TMEM63C: variants seen among roughly 807,000 people sequenced by gnomAD.
TMEM63C encodes transmembrane protein 63C.
A neutral mutation model predicts 99.2 loss-of-function variants in TMEM63C; 32 were observed. That is an observed-to-expected ratio of 0.32 (90% CI 0.24 to 0.43). The LOEUF is 0.43. Ranked by LOEUF, TMEM63C falls within the 20% of genes least tolerant of loss-of-function variation. The pLI, the probability that TMEM63C is intolerant of heterozygous loss-of-function variation, is 1.00. For synonymous variants in TMEM63C, 376 were observed against 397.9 expected, an observed-to-expected ratio of 0.94 and a Z score of 0.66; for missense variants, 826 against 1,053.0, an observed-to-expected ratio of 0.78 and a Z score of 2.98.
chr14:77,241,497 G>C (rs941474709), intron 13 of TMEM63C, among the ~76,000 whole-genome samples: 1 of 152,098 alleles, frequency 6.6e-6, no homozygotes, highest in African/African-American at 2.4e-5. Context: ...TAAGAACTGT[G>C]GGGGGCAGGG....
intron 1 of TMEM63C, among the ~76,000 whole-genome samples, chr14:77,183,340 G>C (rs889360917): frequency 1.3e-5 from 2 of 152,218 alleles, no homozygotes; most frequent in Non-Finnish European, 2.9e-5. Context: ...GATGGGTGTG[G>C]AGGAGGTCGG....
chr14:77,226,953 A>C (rs1227746513), intron 6 of TMEM63C, among the ~76,000 whole-genome samples: 1 of 152,090 alleles, frequency 6.6e-6, no homozygotes, highest in Non-Finnish European at 1.5e-5. Context: ...TTTTTAGTAG[A>C]GACGGGGTTT....
Position 77,184,921 on chromosome 14 carries a change from A to G in TMEM63C, c.-77+3027A>G, listed in dbSNP as rs193093126. On this transcript the variant is annotated intron_variant, in intron 1 of 23. Coordinates refer to ENST00000298351, the MANE Select transcript of TMEM63C (RefSeq NM_020431.4). ...ACTGAGGGTGGCTCTTAAGAAGAAC[A>G]ACGTGTGGCCAGGACTCCATGTTCT... Among the ~76,000 whole-genome samples, 137 of 152,264 alleles carry G rather than the reference A, an allele frequency of 9.0e-4. 1 individual carries two copies. Among genetic ancestry groups the G allele is most frequent in the African/African-American group, 3.2e-3 (133 of 41,550 alleles).
intron 10 of TMEM63C, among the ~76,000 whole-genome samples, 156 bp downstream of exon 10, chr14:77,238,923 G>A (rs908145538): frequency 4.6e-5 from 7 of 152,180 alleles, no homozygotes; most frequent in Non-Finnish European, 7.3e-5. Flanking sequence ...TTTTAGAATG[G>A]GGAGGGCCGC....
intron 1 of TMEM63C, among the ~76,000 whole-genome samples, chr14:77,182,148 C>T (rs1887924813): frequency 6.6e-6 from 1 of 152,064 alleles, no homozygotes; most frequent in Admixed American, 6.5e-5. Flanking sequence ...TTTAGTAGAC[C>T]GGTCTTCACT....
intron 1 of TMEM63C, among the ~76,000 whole-genome samples, chr14:77,190,917 A>G (rs1301608917): frequency 6.6e-6 from 1 of 152,232 alleles, no homozygotes; most frequent in Non-Finnish European, 1.5e-5. Flanking sequence ...AAGTTATAAA[A>G]GTGCTAAATT....
chr14:77,200,865 T>C (rs1029981149), intron 1 of TMEM63C, among the ~76,000 whole-genome samples: 1 of 152,208 alleles, frequency 6.6e-6, no homozygotes, highest in Admixed American at 6.5e-5. Context: ...TCAAGGACAA[T>C]AGTTCCCCTC....
chr14:77,251,713 G>C, intron 21 of TMEM63C, 76 bp from the exon 22 acceptor site: 1 of 1,201,234 alleles, frequency 8.3e-7, no homozygotes, highest in South Asian at 1.2e-5. Flanking sequence ...TGCTGTGACG[G>C]TCCCTGGCAT....
At position 77,213,499 on chromosome 14, in the gene TMEM63C, A is replaced by G. The variant is rs775112967; in HGVS notation, c.-23A>G. On this transcript the variant is annotated 5_prime_UTR_variant, in exon 2 of 24. Coordinates refer to ENST00000298351, the MANE Select transcript of TMEM63C (RefSeq NM_020431.4). Reference sequence around the variant, plus strand: ...GCCTGACGTGGACCTTCACTGGAGAAGTGACTCAGGTGGGAAAAGTCTCCC... The same window carrying G: ...GCCTGACGTGGACCTTCACTGGAGAGGTGACTCAGGTGGGAAAAGTCTCCC... 2.6e-5 allele frequency: 4 copies of G among 152,144 alleles called. No individual in the cohort carries two copies. Among genetic ancestry groups the G allele is most frequent in the Non-Finnish European group, 5.9e-5 (4 of 68,034 alleles). 9.4% of individuals were successfully genotyped at this position (152,144 alleles called of 1,614,324 possible). A position where few individuals can be genotyped will look rare whatever the true frequency, so the allele number is the denominator to read the frequency against.
chr14:77,198,324 G>T (rs573143735), intron 1 of TMEM63C, among the ~76,000 whole-genome samples: 1 of 152,232 alleles, frequency 6.6e-6, no homozygotes, highest in African/African-American at 2.4e-5. Context: ...CCCCTCTGGC[G>T]GAAGAGAGGC....
chr14:77,243,170 C>A (rs576992547), intron 15 of TMEM63C, 114 bp downstream of exon 15: 5 of 1,271,328 alleles, frequency 3.9e-6, no homozygotes, highest in African/African-American at 1.5e-5. Flanking sequence ...CCATACAGTG[C>A]GAACATTGTG....
intron 1 of TMEM63C, among the ~76,000 whole-genome samples, chr14:77,208,498 C>T (rs1405056981): frequency 2.0e-5 from 3 of 152,190 alleles, no homozygotes; most frequent in Non-Finnish European, 2.9e-5. Flanking sequence ...GAGATCGCCT[C>T]CTCCTCCCTC....
chr14:77,186,971 G>C lies in TMEM63C; in HGVS notation c.-77+5077G>C, dbSNP rs118142368. On this transcript the variant is annotated intron_variant, in intron 1 of 23. Transcript: ENST00000298351. ...GGGGAGACCTTCTCAGGCAGCAGAA[G>C]AACAACAGCCTGAACAATAAGCCTG... is the stretch of plus-strand genomic sequence containing the variant. Among the ~76,000 whole-genome samples, 1,170 of 152,292 alleles carry C rather than the reference G, an allele frequency of 7.7e-3. 67 individuals carry two copies. In the East Asian group the frequency reaches 0.15, roughly 20 times the overall value.
At chr14:77,191,979 G>A (rs775807020) in intron 1 of TMEM63C, among the ~76,000 whole-genome samples, 10 of 152,054 alleles carry the variant, frequency 6.6e-5, no homozygotes, top group Non-Finnish European at 1.2e-4. Context: ...CATATATTTG[G>A]GTGCTCTGCT....
At position 77,213,472 on chromosome 14, in the gene TMEM63C, G is replaced by A. The variant is rs999734250; in HGVS notation, c.-50G>A. On this transcript the variant is annotated 5_prime_UTR_variant, in exon 2 of 24. Transcript: ENST00000298351. ...AGCCCCGTAGCTGGGTGGAGCCTCCGGGCCTGACGTGGACCTTCACTGGAG... is the reference window on the plus strand; with the variant it reads ...AGCCCCGTAGCTGGGTGGAGCCTCCAGGCCTGACGTGGACCTTCACTGGAG... 1.3e-5 allele frequency: 2 copies of A among 152,202 alleles called. No individual in the cohort carries two copies. Among genetic ancestry groups the A allele is most frequent in the East Asian group, 1.9e-4 (1 of 5,196 alleles). The allele number at this position is 152,202 out of a possible 1,614,324, so 9.4% of individuals were successfully genotyped here.
intron 1 of TMEM63C, among the ~76,000 whole-genome samples, chr14:77,206,998 C>G (rs1078692): frequency 0.29 from 44,281 of 151,486 alleles, 7,876 homozygotes; most frequent in East Asian, 0.67. Context: ...GTCCTCCTCC[C>G]CGTGTCTCCC....
intron 6 of TMEM63C, among the ~76,000 whole-genome samples, chr14:77,226,596 G>A (rs76902730): frequency 0.038 from 5,769 of 152,176 alleles, 351 homozygotes; most frequent in African/African-American, 0.13. Flanking sequence ...TTCGACAGGC[G>A]CGATGTGGGA....
chr14:77,255,180 G>C (rs1889440744), intron 23 of TMEM63C, among the ~76,000 whole-genome samples: 1 of 152,146 alleles, frequency 6.6e-6, no homozygotes, highest in African/African-American at 2.4e-5. Context: ...TAGTACAGAT[G>C]GGGTTTTACC....
intron 1 of TMEM63C, among the ~76,000 whole-genome samples, chr14:77,210,630 G>T (rs921561203): frequency 4.6e-5 from 7 of 152,084 alleles, no homozygotes; most frequent in African/African-American, 1.7e-4. Flanking sequence ...CACTGAGAGG[G>T]GGTCCCTCCG....
Sources: gnomAD v4.1 joint callset for allele counts (sites outside exome capture counted in the v4.1 genomes callset) on GRCh38, gnomAD v4.1.1 for gene constraint, MANE v1.5 for transcripts, NCBI Gene and HGNC (gene_info 2026-07-23, HGNC 2026-07-21) for gene names.